The following ADGRL3 variants were observed in gnomAD, a reference collection of about 807,000 sequenced individuals.
ADGRL3 encodes adhesion G protein-coupled receptor L3, also known as calcium-independent alpha-latrotoxin receptor 3.
A neutral mutation model predicts 153.5 loss-of-function variants in ADGRL3; 62 were observed. That is an observed-to-expected ratio of 0.40 (90% CI 0.33 to 0.50). ADGRL3 has a LOEUF of 0.50. ADGRL3 is among the 20% of genes least tolerant of loss of function. The pLI, the probability that ADGRL3 is intolerant of heterozygous loss-of-function variation, is 0.47. For synonymous variants in ADGRL3, 710 were observed against 672.5 expected (o/e 1.06, Z -0.86); for missense variants, 1,641 against 1,859.4 (o/e 0.88, Z 2.16).
At chr4:61,560,541 T>C (rs942705975) in intron 4 of ADGRL3, among the ~76,000 whole-genome samples, 4 of 152,142 alleles carry the variant, frequency 2.6e-5, no homozygotes, top group Non-Finnish European at 5.9e-5. Flanking sequence ...CTGTAGTAAC[T>C]ATGGGGGATA....
At chr4:61,896,342 A>G (rs1457138187) in intron 11 of ADGRL3, among the ~76,000 whole-genome samples, 1 of 152,140 alleles carries the variant, frequency 6.6e-6, no homozygotes, top group African/African-American at 2.4e-5. Flanking sequence ...TTATTAATGC[A>G]CTGTGGGGCT....
chr4:61,709,889 A>C (rs989979125), intron 6 of ADGRL3, among the ~76,000 whole-genome samples: 4 of 152,198 alleles, frequency 2.6e-5, no homozygotes, highest in African/African-American at 9.7e-5. Context: ...TTTAAGTAGA[A>C]AAAATGCATC....
chr4:61,804,048 G>A (rs1377214285), intron 8 of ADGRL3, among the ~76,000 whole-genome samples: 1 of 152,146 alleles, frequency 6.6e-6, no homozygotes, highest in Non-Finnish European at 1.5e-5. Context: ...ACAGAGGGGA[G>A]TTGTCAAAAT....
chr4:61,922,461 A>G (rs2098774288), intron 13 of ADGRL3, among the ~76,000 whole-genome samples: 1 of 152,156 alleles, frequency 6.6e-6, no homozygotes, highest in Non-Finnish European at 1.5e-5. Flanking sequence ...TAATTAATGA[A>G]CCAATGTTAA....
At chr4:61,656,114 A>G (rs1427459383) in intron 5 of ADGRL3, among the ~76,000 whole-genome samples, 1 of 152,230 alleles carries the variant, frequency 6.6e-6, no homozygotes, top group Non-Finnish European at 1.5e-5. Flanking sequence ...CAAAAGGTCA[A>G]TAAAATGAAA....
intron 2 of ADGRL3, among the ~76,000 whole-genome samples, chr4:61,400,019 A>C (rs2152103495): frequency 6.6e-6 from 1 of 151,924 alleles, no homozygotes; most frequent in Middle Eastern, 3.4e-3. Context: ...TATAATTTTC[A>C]GGGAATCAAA....
At chr4:61,645,943 T>C (rs1342667162) in intron 5 of ADGRL3, among the ~76,000 whole-genome samples, 1 of 152,162 alleles carries the variant, frequency 6.6e-6, no homozygotes, top group Non-Finnish European at 1.5e-5. Flanking sequence ...TGGATTTGGT[T>C]TTTTCACATA....
rs1022152712 is a variant in ADGRL3 at position 61,200,343 on chromosome 4, G to A, written c.-1662G>A. Among the ~76,000 whole-genome samples, 3 of 151,646 alleles carry A rather than the reference G, an allele frequency of 2.0e-5. No individual in the cohort carries two copies. Among genetic ancestry groups the A allele is most frequent in the Admixed American group, 6.6e-5 (1 of 15,250 alleles). On this transcript the variant is annotated 5_prime_UTR_variant, in exon 1 of 27. Transcript: ENST00000683033. ...CGCTGCTCATTCTGGCCTCCGCTCC[G>A]GCCCCGGCTGCGCCTACCCCGCGCG...
At position 62,069,045 on chromosome 4, in the gene ADGRL3, T is replaced by G. The variant is rs188284642; in HGVS notation, c.3832+862T>G. The stretch of plus-strand genomic sequence containing the variant: ...AGCACCCTTTCTTATTTACCAATAT[T>G]GTTTAAATGTGTTTTTTCATTTTGT... On this transcript the variant is annotated intron_variant, in intron 26 of 26. Coordinates refer to ENST00000683033, the MANE Select transcript of ADGRL3 (RefSeq NM_001387552.1). Among the ~76,000 whole-genome samples, 185 of 152,302 alleles carry G rather than the reference T, an allele frequency of 1.2e-3. 2 individuals are homozygous for G. In the South Asian group the frequency reaches 0.027, roughly 22 times the overall value.
intron 4 of ADGRL3, among the ~76,000 whole-genome samples, chr4:61,580,524 T>C (rs552845823): frequency 2.0e-5 from 3 of 152,236 alleles, no homozygotes; most frequent in African/African-American, 7.2e-5. Context: ...CTGGGCTGTA[T>C]TGGATAGCCA....
intron 7 of ADGRL3, among the ~76,000 whole-genome samples, chr4:61,731,010 G>T (rs1405521244): frequency 1.3e-5 from 2 of 151,896 alleles, no homozygotes; most frequent in African/African-American, 4.8e-5. Flanking sequence ...GGGGAAAAGG[G>T]AAAAAGTTTT....
intron 11 of ADGRL3, among the ~76,000 whole-genome samples, chr4:61,909,292 A>G (rs2098710892): frequency 6.6e-6 from 1 of 152,140 alleles, no homozygotes. Flanking sequence ...AGACCTAACG[A>G]CCCAAATAGA....
At chr4:61,925,861 T>C (rs1430157942) in intron 13 of ADGRL3, among the ~76,000 whole-genome samples, 1 of 152,218 alleles carries the variant, frequency 6.6e-6, no homozygotes, top group Non-Finnish European at 1.5e-5. Flanking sequence ...AGATATCTTA[T>C]ATAAGCTTCA....
chr4:61,837,570 A>T (rs1168514525), intron 9 of ADGRL3, among the ~76,000 whole-genome samples: 2 of 152,024 alleles, frequency 1.3e-5, no homozygotes, highest in East Asian at 3.9e-4. Flanking sequence ...TCCAAAGGGG[A>T]CTCAGAGTCG....
At chr4:61,675,406 A>C (rs10434218) in intron 5 of ADGRL3, among the ~76,000 whole-genome samples, 3,997 of 151,940 alleles carry the variant, frequency 0.026, 125 homozygotes, top group East Asian at 0.17. Flanking sequence ...GGTAGGAAAA[A>C]CCATTAGCTT....
intron 21 of ADGRL3, among the ~76,000 whole-genome samples, chr4:62,022,127 T>C (rs181179366): frequency 1.3e-5 from 2 of 152,180 alleles, no homozygotes; most frequent in Non-Finnish European, 2.9e-5. Flanking sequence ...TACTAATCTA[T>C]TGAACACATG....
Position 61,202,939 on chromosome 4 carries a change from A to G in ADGRL3, c.-240+1174A>G, listed in dbSNP as rs1735463743. On this transcript the variant is annotated intron_variant, in intron 1 of 26. Transcript: ENST00000683033. This position sits in a 1 kb window ranked among gnomAD's most constrained non-coding sequence, Gnocchi z 5.0. ...AGCTTGCTTATTGAAATCGCCTGGG[A>G]TCCTCTTAACTGGAAAATCTGGTTT... Among the ~76,000 whole-genome samples the G allele has an allele frequency of 6.6e-6, 1 of 152,126 alleles. No homozygotes were observed. The highest frequency in any genetic ancestry group is 2.4e-5 in the African/African-American group (1 of 41,436).
chr4:62,017,053 T>C (rs539391927), intron 21 of ADGRL3, among the ~76,000 whole-genome samples: 132 of 152,204 alleles, frequency 8.7e-4, no homozygotes, highest in African/African-American at 2.9e-3. Context: ...GACAAATGTA[T>C]TGAACATTAT....
intron 5 of ADGRL3, 59 bp downstream of exon 5, chr4:61,587,499 G>A: frequency 8.3e-7 from 1 of 1,203,534 alleles, no homozygotes; most frequent in South Asian, 1.4e-5. Flanking sequence ...ACATCAATCT[G>A]TGTTACATGT....
Sources: gnomAD v4.1 joint callset for allele counts (sites outside exome capture counted in the v4.1 genomes callset) on GRCh38, gnomAD v4.1.1 for gene constraint, Gnocchi (gnomAD v3.1) non-coding constraint, MANE v1.5 for transcripts, NCBI Gene and HGNC (gene_info 2026-07-23, HGNC 2026-07-21) for gene names.